The following RHOT2 variants were observed in gnomAD, a reference collection of about 807,000 sequenced individuals.
RHOT2 encodes ras homolog family member T2, also known as mitochondrial Rho GTPase 2.
Under a neutral mutation model 81.6 loss-of-function variants are expected in RHOT2, and 90 were observed. That is an observed-to-expected ratio of 1.10 (90% CI 0.93 to 1.31). The LOEUF (loss-of-function observed/expected upper bound fraction) is 1.31. Among genes scored for constraint, RHOT2 ranks in the 40% most tolerant of loss-of-function variants. The probability of loss-of-function intolerance (pLI) is 0.00; values close to 1 mark genes in which losing one functional copy is unlikely to be tolerated. For missense variants in RHOT2, 1,014 were observed against 841.9 expected, an observed-to-expected ratio of 1.20 and a Z score of -2.53; for synonymous variants, 512 against 370.9, an observed-to-expected ratio of 1.38 and a Z score of -4.37.
intron 16 of RHOT2, 49 bp from the exon 17 acceptor site, chr16:672,653 TA>T: frequency 6.2e-7 from 1 of 1,611,378 alleles, no homozygotes; most frequent in Admixed American, 1.7e-5. Context: ...AGCATGGCCC[TA>T]GGGGGACCGA....
rs576006171 is a variant in RHOT2 at position 673,419 on chromosome 16, C to T, written c.1731-61C>T. On this transcript the variant is annotated intron_variant, in intron 18 of 18. Transcript: ENST00000315082. ...TGTGAGTCCAGGACATGGGAGGGTG[C>T]CCAGCAGCAAGCTGGGGGCATGTGC... The T allele has an allele frequency of 1.9e-5, 30 of 1,608,180 alleles. No individual in the cohort carries two copies. The African/African-American group carries it at 3.6e-4, about 19-fold the overall frequency.
chr16:669,626 C>T lies in RHOT2; in HGVS notation c.276+20C>T, dbSNP rs772518690. On this transcript the variant is annotated intron_variant, in intron 5 of 18. Transcript: ENST00000315082. ...GAGAAGGTGAGCCCTCAGTGCAGAC[C>T]CCAACAGCAGAGACACAGTGGCCGG... 2 of 1,610,306 alleles carry T rather than the reference C, an allele frequency of 1.2e-6. No individual in the cohort carries two copies. The highest frequency in any genetic ancestry group is 8.5e-7 in the Non-Finnish European group (1 of 1,179,244).
At chr16:668,447 C>T (rs564666531) in intron 2 of RHOT2, 36 bp downstream of exon 2, 6 of 1,571,934 alleles carry the variant, frequency 3.8e-6, no homozygotes, top group African/African-American at 2.8e-5. Context: ...TGGGAGCGGG[C>T]CCAGCCGGGG....
rs774160110 is a variant in RHOT2, at chr16:673,041, G to T, written c.1641G>T (p.Arg547=). 1 of 1,612,090 alleles carries T rather than the reference G, an allele frequency of 6.2e-7. No homozygotes were observed. Among genetic ancestry groups the T allele is most frequent in the Non-Finnish European group, 8.5e-7 (1 of 1,179,946 alleles). ...PSPAEFCRKH[R]LPAPVPFSCA... Reference sequence around the variant, plus strand: ...CGGCCGAGTTTTGCCGCAAGCACCGGCTACCCGCTCCCGTGCCGTTCTCCT... The same window carrying T: ...CGGCCGAGTTTTGCCGCAAGCACCGTCTACCCGCTCCCGTGCCGTTCTCCT... Residue 547 remains arginine, a synonymous_variant, in exon 18 of 19, where the codon CGG becomes CGT. Transcript: ENST00000315082.
rs772677924 is a variant in RHOT2 at position 670,346 on chromosome 16, A to G, written c.427A>G (p.Thr143Ala). 2 of 1,612,752 alleles carry G rather than the reference A, an allele frequency of 1.2e-6. No individual in the cohort carries two copies. The highest frequency in any genetic ancestry group is 1.7e-6 in the Non-Finnish European group (2 of 1,179,908). ...PIMSQFPEIE[T>A]CVECSAKNLR... ...CATGAGCCAGTTTCCCGAGATTGAG[A>G]CCTGCGTGGAGGTGAGTAGGTCCCA... Residue 143 changes from threonine to alanine, a missense_variant, in exon 7 of 19, where the codon ACC becomes GCC. Transcript: ENST00000315082.
intron 15 of RHOT2, 47 bp from the exon 16 acceptor site, chr16:672,442 C>T: frequency 6.8e-6 from 11 of 1,610,752 alleles, no homozygotes; most frequent in Non-Finnish European, 9.3e-6. Context: ...GCAGGGCAAT[C>T]TGGGGGGCAC....
At chr16:672,672 G>A (rs2039169683) in intron 16 of RHOT2, 31 bp from the exon 17 acceptor site, 1 of 1,611,590 alleles carries the variant, frequency 6.2e-7, no homozygotes, top group Admixed American at 1.7e-5. Context: ...CGAGCCCCAG[G>A]GACCCTTCCT....
chr16:671,191 ATCTC>A lies in RHOT2; in HGVS notation c.860_863del (p.Leu287ProfsTer3), dbSNP rs1031775904. 1.9e-6 allele frequency: 3 copies of A among 1,558,388 alleles called. No individual in the cohort carries two copies. The highest frequency in any genetic ancestry group is 2.6e-6 in the Non-Finnish European group (3 of 1,150,056). On this transcript the variant is annotated frameshift_variant, in exon 11 of 19. Coordinates refer to ENST00000315082, the MANE Select transcript of RHOT2 (RefSeq NM_138769.3). LOFTEE classifies it high-confidence loss of function. ...GATGCCCTGGAGCTGACTGCGGACT[ATCTC>A]TCCCCTCTGTGAGTGATGCCGGGGC...
At position 668,549 on chromosome 16, in the gene RHOT2, C is replaced by T; in HGVS notation, c.158C>T (p.Thr53Ile). The change falls in exon 3 of 19, where the codon ACC (threonine) becomes ATC (isoleucine). Residue 53 changes from threonine (T) to isoleucine (I), a missense_variant. Thr to Ile is a moderately conservative substitution (Grantham distance 89, BLOSUM62 -1). Coordinates refer to ENST00000315082, the MANE Select transcript of RHOT2 (RefSeq NM_138769.3). ...GACGTCACCCCGGAGAAGGTGCCCA[C>T]CCACATCGTGGACTACTCAGGTAGC... The part of the protein sequence containing the change: ...PADVTPEKVP[T>I]HIVDYSEAEQ... 6.2e-7 allele frequency: 1 copy of T among 1,610,742 alleles called. No individual in the cohort carries two copies. Among genetic ancestry groups the T allele is most frequent in the Non-Finnish European group, 8.5e-7 (1 of 1,179,126 alleles).
chr16:670,170 G>A lies in RHOT2; in HGVS notation c.324G>A (p.Gly108=). The A allele has an allele frequency of 2.5e-6, 4 of 1,603,892 alleles. No homozygotes were observed. The highest frequency in any genetic ancestry group is 1.1e-5 in the South Asian group (1 of 90,248). Residue 108 remains glycine (G), a synonymous_variant, in exon 6 of 19, where the codon GGG becomes GGA. Coordinates refer to ENST00000315082, the MANE Select transcript of RHOT2 (RefSeq NM_138769.3). ...IPLVNGGTTQ[G]PRVPIILVGN... ...TGGTGAATGGGGGGACCACGCAGGG[G>A]CCCAGGTAATGAGGGGATGTGGAAG...
intron 4 of RHOT2, chr16:668,913 C>A (rs979636105): frequency 3.7e-6 from 2 of 541,296 alleles, no homozygotes; most frequent in Non-Finnish European, 6.4e-6. Context: ...CAGGACCCTT[C>A]CCCGCGGGCT....
chr16:671,140 C>T lies in RHOT2; in HGVS notation c.806C>T (p.Thr269Ile). 3 of 1,605,166 alleles carry T rather than the reference C, an allele frequency of 1.9e-6. No individual in the cohort carries two copies. The highest frequency in any genetic ancestry group is 2.5e-6 in the Non-Finnish European group (3 of 1,177,358). ...IQRGRHETTW[T>I]ILRRFGYSDA... ...CGCGGCCGGCACGAGACCACCTGGACCATCCTGCGGCGCTTCGGCTACAGC... is the reference window on the plus strand; with the variant it reads ...CGCGGCCGGCACGAGACCACCTGGATCATCCTGCGGCGCTTCGGCTACAGC... Residue 269 changes from threonine to isoleucine, a missense_variant, in exon 11 of 19, where the codon ACC becomes ATC. Coordinates refer to ENST00000315082, the MANE Select transcript of RHOT2 (RefSeq NM_138769.3).
At chr16:668,601 CG>C in intron 3 of RHOT2, 32 bp downstream of exon 3, 1 of 1,609,556 alleles carries the variant, frequency 6.2e-7, no homozygotes, top group South Asian at 1.1e-5. Context: ...GGGCCCGGCC[CG>C]CAGCGGTCCG....
chr16:670,951 G>T lies in RHOT2; in HGVS notation c.699G>T (p.Val233=), dbSNP rs1555467980. 6.4e-7 allele frequency: 1 copy of T among 1,573,976 alleles called. No homozygotes were observed. The highest frequency in any genetic ancestry group is 1.7e-5 in the Admixed American group (1 of 57,390). The change falls in exon 10 of 19, where the codon GTG becomes GTT. Residue 233 remains valine, a synonymous_variant. Transcript: ENST00000315082. Reference sequence around the variant, plus strand: ...CCCTGGAGGACGTGAAGACGGTGGTGTGCAGGAACGTGGCGGGCGGCGTGC... The same window carrying T: ...CCCTGGAGGACGTGAAGACGGTGGTTTGCAGGAACGTGGCGGGCGGCGTGC... ...PQALEDVKTV[V]CRNVAGGVRE... is the part of the protein sequence containing the mutation.
In RHOT2 at chr16:669,856, G is replaced by C. The variant is rs867149657; in HGVS notation, c.276+250G>C. 1.1e-4 allele frequency: 65 copies of C among 616,564 alleles called. 1 individual carries two copies. The highest frequency in any genetic ancestry group is 8.7e-4 in the Middle Eastern group (2 of 2,306). 38.2% of individuals were successfully genotyped at this position (616,564 alleles called of 1,614,324 possible). A position where few individuals can be genotyped will look rare whatever the true frequency, so the allele number is the denominator to read the frequency against. On this transcript the variant is annotated intron_variant, in intron 5 of 18. Transcript: ENST00000315082. Reference sequence around the variant, plus strand: ...TCTTCCCCAGTTTCCAAACCCCCGGGGGGGGACCCGCAGAGGGCCTGCGTT... The same window carrying C: ...TCTTCCCCAGTTTCCAAACCCCCGGCGGGGGACCCGCAGAGGGCCTGCGTT...
chr16:671,565 G>T, intron 11 of RHOT2, 132 bp from the exon 12 acceptor site: 2 of 994,490 alleles, frequency 2.0e-6, no homozygotes, highest in Non-Finnish European at 3.0e-6. Flanking sequence ...TGCAAGGTCG[G>T]GGGCGTACAG....
chr16:671,239 G>A lies in RHOT2; in HGVS notation c.869+36G>A, dbSNP rs779194854. On this transcript the variant is annotated intron_variant, in intron 11 of 18. Transcript: ENST00000315082. ...CCGGGGCTTGAGGCCTGCCCTCCCC[G>A]AGGGTCAGGAGCTGACTGCCGACTA... is the stretch of plus-strand genomic sequence containing the variant. 36 of 1,519,866 alleles carry A rather than the reference G, an allele frequency of 2.4e-5. No homozygotes were observed. In the East Asian group the frequency reaches 5.0e-4, roughly 21 times the overall value. 94.1% of individuals were successfully genotyped at this position (1,519,866 alleles called of 1,614,324 possible).
chr16:671,214 C>T lies in RHOT2; in HGVS notation c.869+11C>T, dbSNP rs964737827. 2.0e-6 allele frequency: 3 copies of T among 1,535,924 alleles called. No homozygotes were observed. Among genetic ancestry groups the T allele is most frequent in the Non-Finnish European group, 2.6e-6 (3 of 1,139,772 alleles). ...CTATCTCTCCCCTCTGTGAGTGATG[C>T]CGGGGCTTGAGGCCTGCCCTCCCCG... On this transcript the variant is annotated intron_variant, in intron 11 of 18. Transcript: ENST00000315082.
rs374461780 is a variant in RHOT2, at chr16:669,546, C to T, written c.223-7C>T. On this transcript the variant is annotated splice_region_variant and splice_polypyrimidine_tract_variant and intron_variant, in intron 4 of 18. Coordinates refer to ENST00000315082, the MANE Select transcript of RHOT2 (RefSeq NM_138769.3). ...CTGTCACCCACACCTCATCACTGTT[C>T]CCTCAGGCAAACGTGGTGTGTGTGG... The T allele has an allele frequency of 1.7e-5, 28 of 1,611,158 alleles. No individual in the cohort carries two copies. In the African/African-American group the frequency reaches 2.8e-4, roughly 16 times the overall value.
Sources: gnomAD v4.1 joint callset for allele counts on GRCh38, gnomAD v4.1.1 for gene constraint, MANE v1.5 for transcripts, NCBI Gene and HGNC (gene_info 2026-07-23, HGNC 2026-07-21) for gene names.